The following RHOU variants were observed in gnomAD, a reference collection of about 807,000 sequenced individuals.
RHOU encodes ras homolog family member U.
Under a neutral mutation model 12.6 loss-of-function variants are expected in RHOU, and 8 were observed. The ratio of observed to expected loss-of-function variants is 0.64; its 90% CI spans 0.37 to 1.15. The LOEUF is 1.15. Among genes scored for constraint, RHOU ranks in the 50% most tolerant of loss-of-function variants. RHOU has a pLI of 0.01. For missense variants in RHOU, 258 were observed against 347.0 expected (o/e 0.74, Z 2.04); for synonymous variants, 161 against 147.4 (o/e 1.09, Z -0.67).
At chr1:228,659,955 C>CAAAAA in the RHOU span, among the ~76,000 whole-genome samples, 7 of 34,556 alleles carry the variant, frequency 2.0e-4, no homozygotes, top group Admixed American at 2.6e-4. Flanking sequence ...CTGGTCTCTA[C>CAAAAA]AAAAAAAAAA....
the RHOU span, among the ~76,000 whole-genome samples, chr1:228,688,793 C>T: frequency 6.6e-6 from 1 of 152,186 alleles, no homozygotes; most frequent in African/African-American, 2.4e-5. Flanking sequence ...GCAGAATGAA[C>T]AGGTCACCAG....
At position 228,744,884 on chromosome 1, in the gene RHOU, C is replaced by T. The variant is rs1206765654; in HGVS notation, c.*1144C>T. ...AAGCTTGGCTTCCTCTTCTTGTTGA[C>T]CCTTTTTTGAACCAACATCTTTTTT... On this transcript the variant is annotated 3_prime_UTR_variant, in exon 3 of 3. Coordinates refer to ENST00000366691, the MANE Select transcript of RHOU (RefSeq NM_021205.6). The T allele has an allele frequency of 2.0e-5, 3 of 152,130 alleles. No individual in the cohort carries two copies. The highest frequency in any genetic ancestry group is 2.0e-4 in the Admixed American group (3 of 15,268). The allele number at this position is 152,130 out of a possible 1,614,324, so 9.4% of individuals were successfully genotyped here.
At chr1:228,732,486 G>A (rs564495452), upstream of RHOU, among the ~76,000 whole-genome samples, 9 of 152,224 alleles carry the variant, frequency 5.9e-5, no homozygotes, top group East Asian at 1.7e-3. Flanking sequence ...TCTGTAAAGG[G>A]GTAAAGTGGT....
chr1:228,661,237 TATC>T, the RHOU span, among the ~76,000 whole-genome samples: 2 of 152,232 alleles, frequency 1.3e-5, no homozygotes, highest in South Asian at 4.1e-4. Context: ...GAAGCATCAA[TATC>T]ATGAAAATGG....
At chr1:228,691,589 T>A in the RHOU span, among the ~76,000 whole-genome samples, 1 of 152,220 alleles carries the variant, frequency 6.6e-6, no homozygotes, top group Non-Finnish European at 1.5e-5. Context: ...ATAGCTTATT[T>A]CCTTTTAGTG....
chr1:228,726,223 G>C, the RHOU span, among the ~76,000 whole-genome samples: 1 of 152,176 alleles, frequency 6.6e-6, no homozygotes, highest in South Asian at 2.1e-4. Flanking sequence ...ACCTCAGACT[G>C]AATCAGTGAT....
chr1:228,663,600 T>TTTTTCTTTTCTTTTC, the RHOU span, among the ~76,000 whole-genome samples: 7 of 90,086 alleles, frequency 7.8e-5, no homozygotes, highest in Admixed American at 3.9e-4. Context: ...TTCTTTTCTG[T>TTTTTCTTTTCTTTTC]TTTTCTTTTC....
chr1:228,739,196 A>G (rs1662671807), intron 2 of RHOU, among the ~76,000 whole-genome samples: 1 of 152,198 alleles, frequency 6.6e-6, no homozygotes. Context: ...CAATGGTGAT[A>G]TTTATAATTC....
chr1:228,696,060 G>A, the RHOU span, among the ~76,000 whole-genome samples: 1 of 152,308 alleles, frequency 6.6e-6, no homozygotes. Flanking sequence ...CCAAATATAT[G>A]TTAATATTTA....
the RHOU span, chr1:228,650,851 T>C: frequency 1.0e-5 from 4 of 401,648 alleles, no homozygotes; most frequent in Admixed American, 3.3e-5. Context: ...CCCAGCTGAA[T>C]GTCCCCTTGT....
the RHOU span, among the ~76,000 whole-genome samples, chr1:228,697,570 GT>G: frequency 6.6e-6 from 1 of 152,298 alleles, no homozygotes; most frequent in African/African-American, 2.4e-5. Flanking sequence ...GCTGAAATAG[GT>G]TTATCGTGCT....
In RHOU at chr1:228,743,722, G is replaced by A. The variant is rs776023182; in HGVS notation, c.759G>A (p.Lys253=). Residue 253 remains lysine (K), a synonymous_variant, in exon 3 of 3, where the codon AAG becomes AAA. Transcript: ENST00000366691. The surrounding 1 kb of genome is among the most constrained non-coding windows in gnomAD (Gnocchi z 5.1). ...MKNLSKSWWK[K]YCCFV is the part of the protein sequence containing the mutation. ...ACCTCTCCAAGTCCTGGTGGAAGAA[G>A]TACTGCTGTTTCGTATGATGCTGGC... is the stretch of plus-strand genomic sequence containing the variant. 1 of 1,612,632 alleles carries A rather than the reference G, an allele frequency of 6.2e-7. No homozygotes were observed. The highest frequency in any genetic ancestry group is 8.5e-7 in the Non-Finnish European group (1 of 1,179,248).
At chr1:228,649,149 G>A in the RHOU span, among the ~76,000 whole-genome samples, 1 of 152,196 alleles carries the variant, frequency 6.6e-6, no homozygotes, top group Admixed American at 6.5e-5. Context: ...ACAGGTGTGA[G>A]CCACTGTGCC....
chr1:228,676,024 G>A, the RHOU span, among the ~76,000 whole-genome samples: 1 of 152,106 alleles, frequency 6.6e-6, no homozygotes, highest in African/African-American at 2.4e-5. Context: ...TAGCATATAT[G>A]GCATGTTATG....
chr1:228,707,013 G>A, the RHOU span, among the ~76,000 whole-genome samples: 17 of 148,032 alleles, frequency 1.1e-4, no homozygotes, highest in South Asian at 6.4e-4. Flanking sequence ...TCCTTGCCTC[G>A]TTTCTTATCC....
chr1:228,715,585 G>C, the RHOU span, among the ~76,000 whole-genome samples: 3 of 152,236 alleles, frequency 2.0e-5, no homozygotes, highest in Non-Finnish European at 4.4e-5. Context: ...TTTTGGGAAT[G>C]ATCCTTGTAC....
At chr1:228,693,527 C>T in the RHOU span, among the ~76,000 whole-genome samples, 3 of 152,104 alleles carry the variant, frequency 2.0e-5, no homozygotes, top group Non-Finnish European at 2.9e-5. Context: ...AGCACAGTGG[C>T]GTGATCTCAG....
the RHOU span, among the ~76,000 whole-genome samples, chr1:228,726,664 CAAA>C: frequency 9.8e-6 from 1 of 102,158 alleles, no homozygotes. Flanking sequence ...GACTCCATCT[CAAA>C]AAAAAAAAAA....
chr1:228,683,510 G>T, the RHOU span, among the ~76,000 whole-genome samples: 1 of 152,038 alleles, frequency 6.6e-6, no homozygotes, highest in Non-Finnish European at 1.5e-5. Flanking sequence ...TTTTCCATTT[G>T]GGAAATATAC....
Sources: allele counts gnomAD v4.1 joint callset (sites outside exome capture counted in the v4.1 genomes callset), GRCh38; gene constraint gnomAD v4.1.1; non-coding constraint Gnocchi (gnomAD v3.1); transcripts MANE v1.5; gene names NCBI Gene and HGNC (gene_info 2026-07-23, HGNC 2026-07-21).